The following POC1A variants were observed in gnomAD, a reference collection of about 807,000 sequenced individuals.
The protein encoded by POC1A is POC1 centriolar protein A, also known as POC1 centriolar protein homolog A.
In POC1A, 34 loss-of-function variants were observed where a neutral mutation model predicts 47.8. That is an observed-to-expected ratio of 0.71 (90% CI 0.54 to 0.95). The LOEUF is 0.95. Among genes scored for constraint, POC1A ranks in the 40% least tolerant of loss-of-function variants. The pLI, the probability that POC1A is intolerant of heterozygous loss-of-function variation, is 0.00. For synonymous variants in POC1A, 177 were observed against 207.6 expected (o/e 0.85, Z 1.27); for missense variants, 466 against 528.3 (o/e 0.88, Z 1.16).
At chr3:52,110,009 C>A (rs1048073588) in intron 9 of POC1A, among the ~76,000 whole-genome samples, 3 of 152,150 alleles carry the variant, frequency 2.0e-5, no homozygotes, top group Admixed American at 6.5e-5. Flanking sequence ...ATCTGCCCCC[C>A]AAAACTGACA....
At chr3:52,098,955 A>G (rs1702906686) in intron 9 of POC1A, among the ~76,000 whole-genome samples, 1 of 152,196 alleles carries the variant, frequency 6.6e-6, no homozygotes, top group African/African-American at 2.4e-5. Flanking sequence ...TACCCAGCAA[A>G]TAACAGAATT....
At chr3:52,126,344 C>T (rs1704000157) in intron 7 of POC1A, among the ~76,000 whole-genome samples, 1 of 152,156 alleles carries the variant, frequency 6.6e-6, no homozygotes, top group African/African-American at 2.4e-5. Flanking sequence ...CTTTTGTCTC[C>T]CAGAGAGACA....
chr3:52,145,339 A>T (rs1212100203), intron 6 of POC1A, among the ~76,000 whole-genome samples: 20 of 152,054 alleles, frequency 1.3e-4, no homozygotes, highest in Admixed American at 1.3e-3. Flanking sequence ...AGCTAAGTCA[A>T]CCCTCCCTAT....
In POC1A at chr3:52,082,927, G is replaced by A. The variant is rs572400069; in HGVS notation, c.1126-6942C>T. On this transcript the variant is annotated intron_variant, in intron 10 of 10. Coordinates refer to ENST00000296484, the MANE Select transcript of POC1A (RefSeq NM_015426.5). ...CTCTACTGACATAGAGTAATTAGGTGTCTGCTGAAAGCCTGCTATGGTCCC... is the reference window on the plus strand; with the variant it reads ...CTCTACTGACATAGAGTAATTAGGTATCTGCTGAAAGCCTGCTATGGTCCC... 6.4e-4 allele frequency among the ~76,000 whole-genome samples: 98 copies of A among 152,252 alleles called. 1 individual carries two copies. Among genetic ancestry groups the A allele is most frequent in the Non-Finnish European group, 1.1e-3 (76 of 68,020 alleles).
intron 9 of POC1A, among the ~76,000 whole-genome samples, chr3:52,099,005 G>A (rs1020829469): frequency 2.6e-5 from 4 of 152,296 alleles, no homozygotes; most frequent in Admixed American, 2.0e-4. Flanking sequence ...CCGGACATGA[G>A]ACAGCCTCTG....
chr3:52,152,623 T>C (rs938625109), intron 1 of POC1A, among the ~76,000 whole-genome samples: 2 of 151,996 alleles, frequency 1.3e-5, no homozygotes, highest in Non-Finnish European at 2.9e-5. Context: ...AATAAAGTAG[T>C]TAAACGTGGT....
At chr3:52,147,579 G>A (rs1698410273) in intron 4 of POC1A, among the ~76,000 whole-genome samples, 1 of 151,854 alleles carries the variant, frequency 6.6e-6, no homozygotes, top group Non-Finnish European at 1.5e-5. Context: ...GACTACAGGC[G>A]TGCACCACCA....
At chr3:52,142,061 A>G (rs1698215459) in intron 6 of POC1A, among the ~76,000 whole-genome samples, 1 of 152,232 alleles carries the variant, frequency 6.6e-6, no homozygotes, top group African/African-American at 2.4e-5. Flanking sequence ...TGCCAGACTC[A>G]AAGGCCCTGA....
At chr3:52,107,349 G>C (rs1431498219) in intron 9 of POC1A, among the ~76,000 whole-genome samples, 2 of 152,218 alleles carry the variant, frequency 1.3e-5, no homozygotes, top group Non-Finnish European at 2.9e-5. Context: ...GAGGAAGCAG[G>C]TCCATCCTGG....
rs1454665097 is a variant in POC1A at position 52,075,527 on chromosome 3, A to G, written c.*360T>C. The G allele has an allele frequency of 3.1e-5, 6 of 194,172 alleles. No homozygotes were observed. The highest frequency in any genetic ancestry group is 1.4e-4 in the African/African-American group (6 of 43,872). The allele number at this position is 194,172 out of a possible 1,614,324, so 12.0% of individuals were successfully genotyped here. On this transcript the variant is annotated 3_prime_UTR_variant, in exon 11 of 11. Transcript: ENST00000296484. ...GAAAAGCCAGTCACATGTCCAAATG[A>G]TGAGTGAAAATCAAGGCATCGTGGA...
intron 2 of POC1A, 87 bp from the exon 3 acceptor site, chr3:52,150,074 G>T: frequency 9.0e-7 from 1 of 1,115,394 alleles, no homozygotes; most frequent in African/African-American, 1.6e-5. Flanking sequence ...GGGAGCAACT[G>T]GCCCAGCTCC....
chr3:52,152,264 G>C (rs1453846618), intron 1 of POC1A, among the ~76,000 whole-genome samples: 2 of 152,116 alleles, frequency 1.3e-5, no homozygotes, highest in East Asian at 3.9e-4. Context: ...AACAGAGCAA[G>C]ACCCTGACTA....
At chr3:52,080,693 C>T (rs1702252540) in intron 10 of POC1A, among the ~76,000 whole-genome samples, 1 of 152,238 alleles carries the variant, frequency 6.6e-6, no homozygotes, top group East Asian at 1.9e-4. Flanking sequence ...GAAGCTGCCC[C>T]AATCACTTCA....
chr3:52,092,548 G>T (rs1294752941), intron 10 of POC1A, among the ~76,000 whole-genome samples: 1 of 152,124 alleles, frequency 6.6e-6, no homozygotes, highest in African/African-American at 2.4e-5. Flanking sequence ...GGAGGATAAA[G>T]TGAGGTCCAC....
intron 9 of POC1A, among the ~76,000 whole-genome samples, chr3:52,100,785 G>A (rs1377875108): frequency 6.6e-6 from 1 of 152,150 alleles, no homozygotes; most frequent in Non-Finnish European, 1.5e-5. Flanking sequence ...ACAGTAGATG[G>A]AAGAAAACCG....
chr3:52,087,114 G>T (rs1007238898), intron 10 of POC1A, among the ~76,000 whole-genome samples: 25 of 152,224 alleles, frequency 1.6e-4, no homozygotes, highest in African/African-American at 6.0e-4. Context: ...GCGGGCAGTA[G>T]GAGGGGCAGG....
At chr3:52,106,748 G>A (rs558117326) in intron 9 of POC1A, among the ~76,000 whole-genome samples, 9 of 152,316 alleles carry the variant, frequency 5.9e-5, no homozygotes, top group Admixed American at 5.9e-4. Context: ...TGTAGGAGAT[G>A]CTGTATGCAC....
At chr3:52,133,573 A>G (rs1704319052) in intron 7 of POC1A, among the ~76,000 whole-genome samples, 1 of 152,114 alleles carries the variant, frequency 6.6e-6, no homozygotes, top group African/African-American at 2.4e-5. Context: ...CAGGAGACCC[A>G]GGGCTACACT....
At chr3:52,093,521 C>G (rs866543693) in intron 10 of POC1A, among the ~76,000 whole-genome samples, 1 of 152,228 alleles carries the variant, frequency 6.6e-6, no homozygotes, top group African/African-American at 2.4e-5. Flanking sequence ...AACACATCAG[C>G]AGTGCACGGC....
Sources: allele counts gnomAD v4.1 joint callset (sites outside exome capture counted in the v4.1 genomes callset), GRCh38; gene constraint gnomAD v4.1.1; transcripts MANE v1.5; gene names NCBI Gene and HGNC (gene_info 2026-07-23, HGNC 2026-07-21).